Variants in KLRF2 observed in about 807,000 individuals in gnomAD.
KLRF2 encodes the protein killer cell lectin-like receptor subfamily F member 2.
KLRF2 carries 28 observed loss-of-function variants against 25.3 expected under a neutral mutation model. That is an observed-to-expected ratio of 1.11 (90% CI 0.82 to 1.52). The LOEUF is 1.52. Among genes scored for constraint, KLRF2 ranks in the 40% most tolerant of loss-of-function variants. The pLI is 0.00. For missense variants in KLRF2, 265 were observed against 245.8 expected (o/e 1.08, Z -0.52); for synonymous variants, 73 against 85.0 (o/e 0.86, Z 0.78).
intron 3 of KLRF2, among the ~76,000 whole-genome samples, chr12:9,890,262 C>A (rs932832447): frequency 8.5e-5 from 13 of 152,182 alleles, no homozygotes; most frequent in African/African-American, 3.1e-4. Flanking sequence ...ACACAGTTGG[C>A]AGTTTTACAA....
intron 5 of KLRF2, 26 bp from the exon 6 acceptor site, chr12:9,895,663 T>C (rs1053182549): frequency 2.7e-6 from 4 of 1,494,912 alleles, no homozygotes; most frequent in Non-Finnish European, 3.5e-6. Context: ...AGATAAATGC[T>C]GAAAAATCTG....
intron 1 of KLRF2, among the ~76,000 whole-genome samples, chr12:9,882,348 G>T (rs1036878507): frequency 6.6e-6 from 1 of 151,996 alleles, no homozygotes; most frequent in Admixed American, 6.6e-5. Context: ...TGCACCCCCT[G>T]CCCCCACAAA....
rs189556032 is a variant in KLRF2 at position 9,893,295 on chromosome 12, T to C, written c.366+127T>C. 69 of 901,350 alleles carry C rather than the reference T, an allele frequency of 7.7e-5. No individual in the cohort carries two copies. The South Asian group carries it at 1.3e-3, about 17-fold the overall frequency. 55.8% of individuals were successfully genotyped at this position (901,350 alleles called of 1,614,324 possible). ...CATGTGTTAGCCACAATGTAGTCAC[T>C]ATTGTTCATGAAAAAAATGCTAATG... On this transcript the variant is annotated intron_variant, in intron 4 of 5. Coordinates refer to ENST00000535540, the MANE Select transcript of KLRF2 (RefSeq NM_001190765.1).
In KLRF2 at chr12:9,895,808, C is replaced by T. The variant is rs781424387; in HGVS notation, c.599C>T (p.Thr200Met). Reference sequence around the variant, plus strand: ...ATTTGCCAGAGAGATGCGATCTTGACGCACAATGGAACCAGTGGTGTGTAA... The same window carrying T: ...ATTTGCCAGAGAGATGCGATCTTGATGCACAATGGAACCAGTGGTGTGTAA... ...KGICQRDAIL[T>M]HNGTSGV The change falls in exon 6 of 6, where the codon ACG becomes ATG. Residue 200 changes from threonine to methionine, a missense_variant. Coordinates refer to ENST00000535540, the MANE Select transcript of KLRF2 (RefSeq NM_001190765.1). The T allele has an allele frequency of 1.4e-4, 214 of 1,534,848 alleles. No individual in the cohort carries two copies. Among genetic ancestry groups the T allele is most frequent in the Middle Eastern group, 3.3e-4 (2 of 6,006 alleles).
At chr12:9,888,549 G>T (rs528548226) in intron 2 of KLRF2, among the ~76,000 whole-genome samples, 184 bp from the exon 3 acceptor site, 90 of 152,066 alleles carry the variant, frequency 5.9e-4, no homozygotes, top group African/African-American at 2.1e-3. Context: ...ACTTAAAGGA[G>T]TAAAAACAGA....
chr12:9,887,273 G>A (rs1862609325), intron 2 of KLRF2, among the ~76,000 whole-genome samples: 1 of 152,076 alleles, frequency 6.6e-6, no homozygotes, highest in Admixed American at 6.6e-5. Flanking sequence ...CATAGAAAGA[G>A]ATGATAGATT....
At chr12:9,889,654 G>C (rs1017978044) in intron 3 of KLRF2, among the ~76,000 whole-genome samples, 4 of 141,044 alleles carry the variant, frequency 2.8e-5, no homozygotes, top group African/African-American at 1.2e-4. Flanking sequence ...ATATGTGTGT[G>C]TGTGTGTATA....
chr12:9,893,382 A>C (rs1438489647), intron 4 of KLRF2, 47 bp from the exon 5 acceptor site: 3 of 1,009,382 alleles, frequency 3.0e-6, no homozygotes, highest in African/African-American at 3.2e-5. Context: ...AAGGCATCAA[A>C]ATTTTTTTAA....
At chr12:9,884,817 A>G in intron 1 of KLRF2, 117 bp from the exon 2 acceptor site, 1 of 387,920 alleles carries the variant, frequency 2.6e-6, no homozygotes, top group Non-Finnish European at 4.5e-6. Flanking sequence ...TTTTCATTTA[A>G]TCATAAATTC....
intron 2 of KLRF2, among the ~76,000 whole-genome samples, chr12:9,885,333 G>GTATA (rs35466208): frequency 4.0e-5 from 6 of 149,190 alleles, no homozygotes; most frequent in African/African-American, 1.5e-4. Flanking sequence ...CATTATTTAA[G>GTATA]TATATATATA....
intron 5 of KLRF2, among the ~76,000 whole-genome samples, chr12:9,895,441 T>C (rs573349468): frequency 6.6e-6 from 1 of 152,182 alleles, no homozygotes; most frequent in Non-Finnish European, 1.5e-5. Context: ...CAGGCGTAGA[T>C]AATGAGAGGT....
chr12:9,895,484 T>C (rs376755948), intron 5 of KLRF2, among the ~76,000 whole-genome samples: 1 of 152,218 alleles, frequency 6.6e-6, no homozygotes, highest in Non-Finnish European at 1.5e-5. Context: ...GGATGTCTTC[T>C]AGTGTAGCTC....
intron 3 of KLRF2, 48 bp downstream of exon 3, chr12:9,888,828 GT>G: frequency 8.4e-7 from 1 of 1,194,840 alleles, no homozygotes; most frequent in Non-Finnish European, 1.2e-6. Flanking sequence ...GGTAAATTTA[GT>G]TTTGGCTTCC....
At chr12:9,893,611 T>C in intron 5 of KLRF2, 70 bp downstream of exon 5, 1 of 544,756 alleles carries the variant, frequency 1.8e-6, no homozygotes. Context: ...CTTCTTCACT[T>C]TCCATTCTTT....
At chr12:9,882,650 G>A (rs922434923) in intron 1 of KLRF2, among the ~76,000 whole-genome samples, 4 of 152,098 alleles carry the variant, frequency 2.6e-5, no homozygotes, top group East Asian at 1.9e-4. Context: ...GTATGGTGGC[G>A]TGTGCCTGTA....
chr12:9,894,046 C>G (rs571135), intron 5 of KLRF2, among the ~76,000 whole-genome samples: 92,182 of 150,966 alleles, frequency 0.61, 29,241 homozygotes, highest in Non-Finnish European at 0.7. Context: ...CTTTTTCTTT[C>G]TTTCTTTCTC....
At chr12:9,887,762 A>G (rs374839279) in intron 2 of KLRF2, among the ~76,000 whole-genome samples, 1 of 151,234 alleles carries the variant, frequency 6.6e-6, no homozygotes, top group African/African-American at 2.4e-5. Flanking sequence ...AAGGGAAAAT[A>G]AGATCAAGAC....
intron 3 of KLRF2, among the ~76,000 whole-genome samples, chr12:9,889,801 A>G (rs1331716226): frequency 6.6e-6 from 1 of 152,068 alleles, no homozygotes; most frequent in Non-Finnish European, 1.5e-5. Context: ...AGGCTATAGA[A>G]CTAAGCTAAC....
rs76264555 is a variant in KLRF2, at chr12:9,893,296, A to G, written c.366+128A>G. On this transcript the variant is annotated intron_variant, in intron 4 of 5. Transcript: ENST00000535540. ...ATGTGTTAGCCACAATGTAGTCACT[A>G]TTGTTCATGAAAAAAATGCTAATGT... 1,328 of 895,542 alleles carry G rather than the reference A, an allele frequency of 1.5e-3. 15 individuals are homozygous for G. In the African/African-American group the frequency reaches 0.02, roughly 14 times the overall value. 55.5% of individuals were successfully genotyped at this position (895,542 alleles called of 1,614,324 possible).
Sources: gnomAD v4.1 joint callset for allele counts (sites outside exome capture counted in the v4.1 genomes callset) on GRCh38, gnomAD v4.1.1 for gene constraint, MANE v1.5 for transcripts, NCBI Gene and HGNC (gene_info 2026-07-23, HGNC 2026-07-21) for gene names.